Variants in PRKAR1B observed in about 807,000 individuals in gnomAD.
PRKAR1B encodes the protein cAMP-dependent protein kinase type I-beta regulatory subunit.
Under a neutral mutation model 46.5 loss-of-function variants are expected in PRKAR1B, and 22 were observed. That is an observed-to-expected ratio of 0.47 (90% CI 0.34 to 0.68). PRKAR1B has a LOEUF of 0.68. Among genes scored for constraint, PRKAR1B ranks in the 30% least tolerant of loss-of-function variants. The probability of loss-of-function intolerance (pLI) is 0.01; values close to 1 mark genes in which losing one functional copy is unlikely to be tolerated. For missense variants in PRKAR1B, 445 were observed against 535.6 expected, an observed-to-expected ratio of 0.83 and a Z score of 1.67; for synonymous variants, 259 against 217.7, an observed-to-expected ratio of 1.19 and a Z score of -1.67.
In PRKAR1B at chr7:637,852, T is replaced by TAAAG. The variant is rs1444233798; in HGVS notation, c.441-30401_441-30400insCTTT. On this transcript the variant is annotated intron_variant, in intron 4 of 10. Coordinates refer to ENST00000537384, the MANE Select transcript of PRKAR1B (RefSeq NM_001164760.2). ...CCATCTAAAAAAATAAATAAATAAA[T>TAAAG]AAATAACAGGGAAGATGGGGGCTAA... Among the ~76,000 whole-genome samples the TAAAG allele has an allele frequency of 2.6e-5, 4 of 151,848 alleles. No homozygotes were observed. In the East Asian group the frequency reaches 7.8e-4, roughly 29 times the overall value.
At chr7:589,712 G>A (rs538176579) in intron 7 of PRKAR1B, among the ~76,000 whole-genome samples, 10 of 152,314 alleles carry the variant, frequency 6.6e-5, no homozygotes, top group African/African-American at 1.4e-4. Flanking sequence ...AGGTCATCCC[G>A]AACCTCCACT....
rs570284003 is a variant in PRKAR1B at position 669,867 on chromosome 7, A to ATTTTTTTTT, written c.440+7353_440+7361dup. On this transcript the variant is annotated intron_variant, in intron 4 of 10. Coordinates refer to ENST00000537384, the MANE Select transcript of PRKAR1B (RefSeq NM_001164760.2). ...GCTGGTGGGCAGGTCCACGTGCCAT[A>ATTTTTTTTT]TTTTTTTTTTTTTTTTGAGACGGAG... Among the ~76,000 whole-genome samples, 1,285 of 131,264 alleles carry ATTTTTTTTT rather than the reference A, an allele frequency of 9.8e-3. 41 individuals carry two copies. The highest frequency in any genetic ancestry group is 0.026 in the African/African-American group (919 of 35,356). 86.1% of individuals were successfully genotyped at this position (131,264 alleles called of 152,430 possible). A position where few individuals can be genotyped will look rare whatever the true frequency, so the allele number is the denominator to read the frequency against.
At chr7:576,575 G>T (rs773499191) in intron 9 of PRKAR1B, among the ~76,000 whole-genome samples, 23 of 152,012 alleles carry the variant, frequency 1.5e-4, no homozygotes, top group Non-Finnish European at 5.9e-5. Flanking sequence ...AAGTGACTCA[G>T]GTCCGGGAAC....
intron 2 of PRKAR1B, among the ~76,000 whole-genome samples, chr7:682,259 G>A (rs1225491570): frequency 1.3e-5 from 2 of 152,132 alleles, no homozygotes; most frequent in African/African-American, 2.4e-5. Context: ...CATCTGTGAG[G>A]GGAAATGAAG....
chr7:605,594 G>C (rs2128463628), intron 6 of PRKAR1B, among the ~76,000 whole-genome samples: 1 of 152,332 alleles, frequency 6.6e-6, no homozygotes, highest in South Asian at 2.1e-4. Context: ...TCGGGCACGA[G>C]ACGGGGTCTC....
chr7:662,500 A>T (rs1785657538), intron 4 of PRKAR1B, among the ~76,000 whole-genome samples: 1 of 97,818 alleles, frequency 1.0e-5, no homozygotes, highest in Admixed American at 1.2e-4. Flanking sequence ...CCCATGCCAC[A>T]GGTCCCCACC....
chr7:654,716 A>G (rs1287214095), intron 4 of PRKAR1B, among the ~76,000 whole-genome samples: 1 of 150,636 alleles, frequency 6.6e-6, no homozygotes, highest in Non-Finnish European at 1.5e-5. Flanking sequence ...CATCATCACC[A>G]TCTACATCAT....
rs1045388630 is a variant in PRKAR1B at position 593,747 on chromosome 7, C to T, written c.708+2399G>A. On this transcript the variant is annotated intron_variant, in intron 7 of 10. Coordinates refer to ENST00000537384, the MANE Select transcript of PRKAR1B (RefSeq NM_001164760.2). This position sits in a 1 kb window ranked among gnomAD's most constrained non-coding sequence, Gnocchi z 6.1. ...GCGGGTTCAGACAGAAGAGAGGGAG[C>T]GTGCAACTCCTCCCAGGAGGCTGCA... 2.0e-5 allele frequency among the ~76,000 whole-genome samples: 3 copies of T among 152,128 alleles called. No homozygotes were observed. Among genetic ancestry groups the T allele is most frequent in the Admixed American group, 6.5e-5 (1 of 15,284 alleles).
chr7:551,361 C>T (rs773818242), intron 10 of PRKAR1B, 28 bp downstream of exon 10: 25 of 1,546,766 alleles, frequency 1.6e-5, no homozygotes, highest in East Asian at 1.2e-4. Context: ...CACAGCCGTG[C>T]GAGGGAGGGG....
At chr7:694,193 G>T (rs1183912245) in intron 2 of PRKAR1B, among the ~76,000 whole-genome samples, 1 of 152,160 alleles carries the variant, frequency 6.6e-6, no homozygotes, top group African/African-American at 2.4e-5. Context: ...GCTGAGGCAG[G>T]AGAATCACAT....
chr7:698,540 A>G (rs558510571), intron 2 of PRKAR1B, among the ~76,000 whole-genome samples: 1 of 152,182 alleles, frequency 6.6e-6, no homozygotes, highest in African/African-American at 2.4e-5. Flanking sequence ...GTGAACATGT[A>G]CATATCCAAC....
chr7:673,045 T>TAAAAA (rs992683667), intron 4 of PRKAR1B, among the ~76,000 whole-genome samples: 656 of 26,536 alleles, frequency 0.025, 204 homozygotes, highest in East Asian at 0.059. Flanking sequence ...GCCTTGTCTT[T>TAAAAA]AAAAAAAAAA....
At chr7:558,942 GGTCCA>G (rs1439683078) in intron 9 of PRKAR1B, among the ~76,000 whole-genome samples, 1 of 152,144 alleles carries the variant, frequency 6.6e-6, no homozygotes, top group African/African-American at 2.4e-5. Context: ...CCTCCCTTTG[GGTCCA>G]GTGCTCCAGG....
At chr7:684,557 G>T (rs911605187) in intron 2 of PRKAR1B, among the ~76,000 whole-genome samples, 1 of 152,176 alleles carries the variant, frequency 6.6e-6, no homozygotes, top group Non-Finnish European at 1.5e-5. Context: ...GGTATGTGAA[G>T]CAGGTTCTCC....
At chr7:704,489 A>G (rs1780211763) in intron 2 of PRKAR1B, among the ~76,000 whole-genome samples, 1 of 152,320 alleles carries the variant, frequency 6.6e-6, no homozygotes, top group African/African-American at 2.4e-5. Flanking sequence ...AAATACACAA[A>G]CTATGGCCGG....
At chr7:647,115 C>G (rs556463304) in intron 4 of PRKAR1B, among the ~76,000 whole-genome samples, 1 of 152,364 alleles carries the variant, frequency 6.6e-6, no homozygotes, top group African/African-American at 2.4e-5. Flanking sequence ...TCCCCTCTCT[C>G]CCACGTCCTA....
intron 4 of PRKAR1B, among the ~76,000 whole-genome samples, chr7:620,290 C>A (rs186827123): frequency 1.8e-4 from 28 of 152,334 alleles, no homozygotes; most frequent in Admixed American, 5.9e-4. Context: ...AGAATACAGA[C>A]CGCCTCTCCC....
At chr7:554,193 C>T (rs964755173) in intron 9 of PRKAR1B, among the ~76,000 whole-genome samples, 1 of 152,268 alleles carries the variant, frequency 6.6e-6, no homozygotes, top group African/African-American at 2.4e-5. Context: ...CCAGCCTTCC[C>T]ATAGGTGAGA....
chr7:699,082 C>G (rs1779923793), intron 2 of PRKAR1B, among the ~76,000 whole-genome samples: 1 of 152,194 alleles, frequency 6.6e-6, no homozygotes, highest in Admixed American at 6.5e-5. Flanking sequence ...AAAGCCAACC[C>G]CAGGAGAACC....
Sources: allele counts gnomAD v4.1 joint callset (sites outside exome capture counted in the v4.1 genomes callset), GRCh38; gene constraint gnomAD v4.1.1; non-coding constraint Gnocchi (gnomAD v3.1); transcripts MANE v1.5; gene names NCBI Gene and HGNC (gene_info 2026-07-23, HGNC 2026-07-21).